ALKBH3: variants seen among roughly 807,000 people sequenced by gnomAD.
ALKBH3 encodes alkB homolog 3, alpha-ketoglutarate dependent dioxygenase.
A neutral mutation model predicts 43.9 loss-of-function variants in ALKBH3; 51 were observed. The observed-to-expected ratio is 1.16, with a 90% CI of 0.93 to 1.47. The LOEUF (loss-of-function observed/expected upper bound fraction) is 1.47, where lower values mean the gene tolerates loss of function less well. ALKBH3 is among the 40% of genes most tolerant of loss of function. The pLI is 0.00. For synonymous variants in ALKBH3, 102 were observed against 115.2 expected (o/e 0.89, Z 0.73); for missense variants, 361 against 351.9 (o/e 1.03, Z -0.21).
At chr11:43,890,137 C>CTA (rs33975802) in intron 6 of ALKBH3, among the ~76,000 whole-genome samples, 34,985 of 152,060 alleles carry the variant, frequency 0.23, 4,606 homozygotes, top group Admixed American at 0.39. Flanking sequence ...TGTTCACTGA[C>CTA]TTGCTTCAAA....
intron 8 of ALKBH3, among the ~76,000 whole-genome samples, chr11:43,906,944 G>C (rs1210462760): frequency 6.6e-6 from 1 of 152,202 alleles, no homozygotes; most frequent in African/African-American, 2.4e-5. Context: ...CATGAAAGTT[G>C]CTGTAGTAAT....
intron 8 of ALKBH3, chr11:43,910,349 TA>T (rs1951928645): frequency 6.6e-6 from 1 of 152,204 alleles, no homozygotes; most frequent in Non-Finnish European, 1.5e-5. Flanking sequence ...AATAAGCAAA[TA>T]AATAGGATCT....
chr11:43,882,711 G>T lies in ALKBH3; in HGVS notation c.59G>T (p.Ser20Ile). ...GGAGCCTGGGCTGCCCCTGTTAAAA[G>T]CCAGGCCATTGCTCAGCCAGGCAAG... is the stretch of plus-strand genomic sequence containing the variant. ...VQGAWAAPVK[S>I]QAIAQPATTA... The change falls in exon 2 of 10, where the codon AGC (serine) becomes ATC (isoleucine). Residue 20 changes from serine to isoleucine, a missense_variant. Physicochemically the swap from Ser to Ile is moderately radical, Grantham distance 142. Transcript: ENST00000302708. The T allele has an allele frequency of 6.2e-7, 1 of 1,613,282 alleles. No homozygotes were observed. The highest frequency in any genetic ancestry group is 8.5e-7 in the Non-Finnish European group (1 of 1,179,722).
chr11:43,889,749 T>G lies in ALKBH3; in HGVS notation c.291T>G (p.Val97=). 1 of 1,614,124 alleles carries G rather than the reference T, an allele frequency of 6.2e-7. No homozygotes were observed. ...GGGTCTGTTTGTATCCTGGCTTTGT[T>G]GACGTGAAAGAAGCTGACTGGATAT... ...VSRVCLYPGF[V]DVKEADWILE... is the part of the protein sequence containing the mutation. The change falls in exon 6 of 10, where the codon GTT becomes GTG. Residue 97 remains valine, a synonymous_variant. Transcript: ENST00000302708.
At chr11:43,901,042 A>C (rs1328738872) in intron 7 of ALKBH3, among the ~76,000 whole-genome samples, 22 of 152,242 alleles carry the variant, frequency 1.4e-4, no homozygotes, top group Admixed American at 1.4e-3. Flanking sequence ...TCAGGATAAA[A>C]TAGGAATAGA....
At position 43,899,332 on chromosome 11, in the gene ALKBH3, C is replaced by T. The variant is rs978474453; in HGVS notation, c.460-2184C>T. On this transcript the variant is annotated intron_variant, in intron 7 of 9. Transcript: ENST00000302708. ...TCTGCATCCTGCAGTGGAAATTCCACAGCATGCCCGTGTGCACCATCAGCA... is the reference window on the plus strand; with the variant it reads ...TCTGCATCCTGCAGTGGAAATTCCATAGCATGCCCGTGTGCACCATCAGCA... The T allele has an allele frequency of 5.7e-6, 4 of 696,504 alleles. No homozygotes were observed. In the African/African-American group the frequency reaches 7.0e-5, roughly 12 times the overall value. 43.1% of individuals were successfully genotyped at this position (696,504 alleles called of 1,614,324 possible).
At chr11:43,900,619 A>G (rs551770427) in intron 7 of ALKBH3, among the ~76,000 whole-genome samples, 2 of 152,276 alleles carry the variant, frequency 1.3e-5, no homozygotes, top group South Asian at 2.1e-4. Flanking sequence ...CATATAAACA[A>G]AAGTTCTTTG....
intron 5 of ALKBH3, among the ~76,000 whole-genome samples, chr11:43,888,412 T>G (rs1264909603): frequency 6.6e-6 from 1 of 152,246 alleles, no homozygotes. Context: ...CTAGGATAGA[T>G]TTCAGTAGTT....
At position 43,898,083 on chromosome 11, in the gene ALKBH3, TG is replaced by T. The variant is rs1321261111; in HGVS notation, c.460-3431del. 5 of 1,027,904 alleles carry T rather than the reference TG, an allele frequency of 4.9e-6. No individual in the cohort carries two copies. The African/African-American group carries it at 7.8e-5, about 16-fold the overall frequency. The allele number at this position is 1,027,904 out of a possible 1,614,324, so 63.7% of individuals were successfully genotyped here. On this transcript the variant is annotated intron_variant, in intron 7 of 9. Coordinates refer to ENST00000302708, the MANE Select transcript of ALKBH3 (RefSeq NM_139178.4). The stretch of plus-strand genomic sequence containing the variant: ...ATGCTGTCCTCAAGGAGGGGCTGAG[TG>T]GCGATGCCCTCAGCAGCCCCAGTGC...
rs117029550 is a variant in ALKBH3, at chr11:43,896,021, C to G, written c.459+3892C>G. 1.2e-4 allele frequency among the ~76,000 whole-genome samples: 19 copies of G among 152,270 alleles called. No individual in the cohort carries two copies. In the East Asian group the frequency reaches 3.3e-3, roughly 26 times the overall value. On this transcript the variant is annotated intron_variant, in intron 7 of 9. Transcript: ENST00000302708. The stretch of plus-strand genomic sequence containing the variant: ...TTGTTTGAGCTGTAAGCTGAACTAG[C>G]TACTTTTGTTGTGGATTGTTTTTGC...
At chr11:43,889,551 A>T (rs182562008) in intron 5 of ALKBH3, among the ~76,000 whole-genome samples, 174 bp from the exon 6 acceptor site, 1 of 152,170 alleles carries the variant, frequency 6.6e-6, no homozygotes, top group African/African-American at 2.4e-5. Context: ...TTTATTTTAT[A>T]TCTGGAGCCT....
intron 7 of ALKBH3, chr11:43,897,467 A>C (rs1951827364): frequency 1.3e-6 from 1 of 741,178 alleles, no homozygotes; most frequent in African/African-American, 1.7e-5. Context: ...TGGTGCAAAA[A>C]TACCAGTCAC....
intron 7 of ALKBH3, among the ~76,000 whole-genome samples, chr11:43,893,325 C>T (rs779463232): frequency 6.6e-6 from 1 of 152,118 alleles, no homozygotes; most frequent in Non-Finnish European, 1.5e-5. Context: ...GCTGTGACAA[C>T]CAAAACCAAC....
Position 43,901,757 on chromosome 11 carries a change from G to C in ALKBH3, c.669+32G>C, listed in dbSNP as rs182430888. On this transcript the variant is annotated intron_variant, in intron 8 of 9. Transcript: ENST00000302708. ...ATTCTCTTTTTCTTATGCTCTTCCT[G>C]CCTCTTATTAGTCTGTGGAAAAAGT... 515 of 1,607,658 alleles carry C rather than the reference G, an allele frequency of 3.2e-4. 2 individuals carry two copies. The African/African-American group carries it at 6.0e-3, about 19-fold the overall frequency.
intron 7 of ALKBH3, among the ~76,000 whole-genome samples, chr11:43,900,094 C>T (rs971840687): frequency 6.6e-6 from 1 of 151,018 alleles, no homozygotes; most frequent in Non-Finnish European, 1.5e-5. Context: ...ATTTGCAAAA[C>T]AGTGTCACCC....
At position 43,920,094 on chromosome 11, in the gene ALKBH3, A is replaced by T. The variant is rs1220913370; in HGVS notation, c.*84A>T. On this transcript the variant is annotated 3_prime_UTR_variant, in exon 10 of 10. Coordinates refer to ENST00000302708, the MANE Select transcript of ALKBH3 (RefSeq NM_139178.4). Reference sequence around the variant, plus strand: ...CACTTCAAGAGGCTGGTGCTGCTAGATCTCATGATGTGGCTGTTGGGAAGA... The same window carrying T: ...CACTTCAAGAGGCTGGTGCTGCTAGTTCTCATGATGTGGCTGTTGGGAAGA... The T allele has an allele frequency of 7.8e-7, 1 of 1,289,662 alleles. No homozygotes were observed. The highest frequency in any genetic ancestry group is 2.3e-5 in the East Asian group (1 of 42,902). 79.9% of individuals were successfully genotyped at this position (1,289,662 alleles called of 1,614,324 possible). A position where few individuals can be genotyped will look rare whatever the true frequency, so the allele number is the denominator to read the frequency against.
chr11:43,914,329 G>A (rs1385739254), intron 8 of ALKBH3, among the ~76,000 whole-genome samples: 1 of 152,136 alleles, frequency 6.6e-6, no homozygotes, highest in Non-Finnish European at 1.5e-5. Flanking sequence ...CACCTTCCTT[G>A]CCTCCCTTAC....
intron 7 of ALKBH3, among the ~76,000 whole-genome samples, chr11:43,893,049 A>G (rs563407026): frequency 1.2e-4 from 18 of 152,372 alleles, no homozygotes; most frequent in African/African-American, 4.1e-4. Flanking sequence ...AGGCCAGTCC[A>G]ACATAGCCTG....
At chr11:43,892,233 C>G (rs1951789104) in intron 7 of ALKBH3, 104 bp downstream of exon 7, 1 of 1,016,508 alleles carries the variant, frequency 9.8e-7, no homozygotes, top group Non-Finnish European at 1.4e-6. Flanking sequence ...ATGCTGGTTC[C>G]TAGTTCAAAA....
Sources: allele counts gnomAD v4.1 joint callset (sites outside exome capture counted in the v4.1 genomes callset), GRCh38; gene constraint gnomAD v4.1.1; transcripts MANE v1.5; gene names NCBI Gene and HGNC (gene_info 2026-07-23, HGNC 2026-07-21).